LRRK1: variants seen among roughly 807,000 people sequenced by gnomAD.
LRRK1 encodes leucine rich repeat kinase 1, also known as leucine-rich repeat serine/threonine-protein kinase 1.
LRRK1 carries 113 observed loss-of-function variants against 209.1 expected under a neutral mutation model. That is an observed-to-expected ratio of 0.54 (90% confidence interval 0.46 to 0.63). The LOEUF is 0.63. Ranked by LOEUF, LRRK1 falls within the 30% of genes least tolerant of loss-of-function variation. The pLI is 0.00. For missense variants in LRRK1, 2,284 were observed against 2,632.2 expected, an observed-to-expected ratio of 0.87 and a Z score of 2.89; for synonymous variants, 1,144 against 1,099.7, an observed-to-expected ratio of 1.04 and a Z score of -0.80.
chr15:101,030,572 C>G (rs992553757), intron 20 of LRRK1, among the ~76,000 whole-genome samples: 1 of 152,134 alleles, frequency 6.6e-6, no homozygotes, highest in African/African-American at 2.4e-5. Context: ...CACCTTCCCC[C>G]ACGCCCCACC....
intron 20 of LRRK1, among the ~76,000 whole-genome samples, chr15:101,035,362 G>A (rs1302837156): frequency 1.3e-5 from 2 of 151,844 alleles, no homozygotes; most frequent in Admixed American, 1.3e-4. Context: ...CATATATATT[G>A]ATATTGTTAT....
intron 20 of LRRK1, among the ~76,000 whole-genome samples, chr15:101,036,321 G>GT (rs904376584): frequency 4.0e-5 from 6 of 151,764 alleles, no homozygotes; most frequent in East Asian, 1.9e-4. Flanking sequence ...GTCTAACTCT[G>GT]TTTTTTTCAT....
At chr15:101,062,195 G>A (rs530655754) in intron 30 of LRRK1, among the ~76,000 whole-genome samples, 1 of 152,238 alleles carries the variant, frequency 6.6e-6, no homozygotes, top group Admixed American at 6.5e-5. Flanking sequence ...CAAGGGCTCT[G>A]CCTAAAGCAT....
chr15:101,029,469 A>T (rs2034188771), intron 20 of LRRK1, among the ~76,000 whole-genome samples: 1 of 152,088 alleles, frequency 6.6e-6, no homozygotes, highest in Non-Finnish European at 1.5e-5. Context: ...GAGTTAAAAG[A>T]AATCCACTTA....
chr15:100,946,520 T>C (rs2042542198), intron 2 of LRRK1, among the ~76,000 whole-genome samples: 1 of 152,176 alleles, frequency 6.6e-6, no homozygotes, highest in Non-Finnish European at 1.5e-5. Flanking sequence ...GGGAATAGCA[T>C]AGGGGTAACA....
intron 6 of LRRK1, among the ~76,000 whole-genome samples, chr15:101,007,805 C>G (rs910570928): frequency 3.3e-5 from 5 of 152,130 alleles, no homozygotes; most frequent in Admixed American, 6.5e-5. Context: ...AGTTATTAAC[C>G]AAGTCCTGGC....
In LRRK1 at chr15:101,022,545, C is replaced by T; in HGVS notation, c.2015C>T (p.Thr672Ile). ...RAPQVVHGEA[T>I]IRTTKWELQR... ...CCCCAGGTGGTGCATGGAGAGGCCACCATCAGGACCACCAAGTGGGAGCTC... is the reference window on the plus strand; with the variant it reads ...CCCCAGGTGGTGCATGGAGAGGCCATCATCAGGACCACCAAGTGGGAGCTC... The change falls in exon 15 of 34, where the codon ACC becomes ATC. Residue 672 changes from threonine (T) to isoleucine (I), a missense_variant. Thr to Ile is a moderately conservative substitution (Grantham distance 89). Around this residue, in one of 6 missense-constraint regions of LRRK1, gnomAD observed 494 missense variants for 522.1 expected, o/e 0.95. Transcript: ENST00000388948. This position sits in a 1 kb window ranked among gnomAD's most constrained non-coding sequence, Gnocchi z 4.0. 1 of 1,613,740 alleles carries T rather than the reference C, an allele frequency of 6.2e-7. No individual in the cohort carries two copies. Among genetic ancestry groups the T allele is most frequent in the Non-Finnish European group, 8.5e-7 (1 of 1,179,982 alleles).
chr15:100,963,813 AT>A (rs1198693959), intron 2 of LRRK1, among the ~76,000 whole-genome samples: 1 of 152,086 alleles, frequency 6.6e-6, no homozygotes, highest in African/African-American at 2.4e-5. Context: ...GGATGCACCC[AT>A]TTCCCCACAC....
In LRRK1 at chr15:101,059,937, G is replaced by T. The variant is rs551765322; in HGVS notation, c.4680-1234G>T. On this transcript the variant is annotated intron_variant, in intron 29 of 33. Transcript: ENST00000388948. ...GAATTGGAGGACCTTGGGCCAGACT[G>T]GTCCTGGGAGGCTGGGCCGGGCCCT... 9.2e-5 allele frequency among the ~76,000 whole-genome samples: 14 copies of T among 152,304 alleles called. No individual in the cohort carries two copies. The South Asian group carries it at 2.3e-3, about 25-fold the overall frequency.
chr15:101,043,761 G>C (rs2034896685), intron 20 of LRRK1: 1 of 152,224 alleles, frequency 6.6e-6, no homozygotes, highest in Non-Finnish European at 1.5e-5. Flanking sequence ...TGCATAATGG[G>C]TATAATATAA....
intron 31 of LRRK1, chr15:101,065,103 C>A (rs1235810314): frequency 1.8e-6 from 1 of 561,580 alleles, no homozygotes; most frequent in Non-Finnish European, 3.2e-6. Flanking sequence ...CTTGGTGCCA[C>A]AGGCCCTGCC....
intron 23 of LRRK1, among the ~76,000 whole-genome samples, chr15:101,050,179 C>T (rs1052836030): frequency 3.9e-5 from 6 of 152,302 alleles, no homozygotes; most frequent in East Asian, 3.9e-4. Flanking sequence ...TTATCCCCTG[C>T]GCAGGGGCAG....
intron 6 of LRRK1, among the ~76,000 whole-genome samples, chr15:100,995,479 G>C (rs1274266310): frequency 6.6e-6 from 1 of 152,182 alleles, no homozygotes; most frequent in Non-Finnish European, 1.5e-5. Context: ...AGAAACAAAA[G>C]TGAAGTAAAG....
At chr15:101,029,373 C>T (rs912199710) in intron 20 of LRRK1, 141 bp downstream of exon 20, 19 of 857,014 alleles carry the variant, frequency 2.2e-5, no homozygotes, top group Middle Eastern at 3.5e-4. Flanking sequence ...GGCCAGCACC[C>T]GATGACCTGC....
At chr15:101,067,439 G>C (rs1266168651) in intron 33 of LRRK1, 1 of 330,570 alleles carries the variant, frequency 3.0e-6, no homozygotes, top group Admixed American at 3.2e-5. Context: ...GTGTGTGTGT[G>C]TGTGTGTGTG....
At chr15:100,948,109 T>TGTG (rs752781537) in intron 2 of LRRK1, among the ~76,000 whole-genome samples, 1 of 152,240 alleles carries the variant, frequency 6.6e-6, no homozygotes, top group Non-Finnish European at 1.5e-5. Context: ...CTGTCATCAA[T>TGTG]CTTAAACCTC....
At chr15:100,981,589 A>G (rs2031603346) in intron 3 of LRRK1, among the ~76,000 whole-genome samples, 1 of 152,206 alleles carries the variant, frequency 6.6e-6, no homozygotes, top group Non-Finnish European at 1.5e-5. Context: ...GAAGTCTTGG[A>G]TGCAACAGAG....
At chr15:101,049,893 A>G in intron 23 of LRRK1, 110 bp downstream of exon 23, 9 of 1,255,150 alleles carry the variant, frequency 7.2e-6, no homozygotes, top group Non-Finnish European at 9.8e-6. Flanking sequence ...ATTCAGCCCA[A>G]GAAAACTAGG....
intron 2 of LRRK1, 100 bp downstream of exon 2, chr15:100,924,829 G>T: frequency 2.6e-6 from 2 of 777,406 alleles, no homozygotes; most frequent in Non-Finnish European, 2.2e-6. Flanking sequence ...CTCAACCAGT[G>T]GAAATCAAAT....
Sources: allele counts gnomAD v4.1 joint callset (sites outside exome capture counted in the v4.1 genomes callset), GRCh38; gene constraint gnomAD v4.1.1; regional missense constraint gnomAD v4.1.1; non-coding constraint Gnocchi (gnomAD v3.1); transcripts MANE v1.5; gene names NCBI Gene and HGNC (gene_info 2026-07-23, HGNC 2026-07-21).